The following OSBPL10 variants were observed in gnomAD, a reference collection of about 807,000 sequenced individuals.
OSBPL10 encodes oxysterol-binding protein-related protein 10.
In OSBPL10, 49 loss-of-function variants were observed where a neutral mutation model predicts 81.7. The observed-to-expected ratio is 0.60, with a 90% CI of 0.48 to 0.76. The LOEUF is 0.76. Among genes scored for constraint, OSBPL10 ranks in the 30% least tolerant of loss-of-function variants. The pLI, the probability that OSBPL10 is intolerant of heterozygous loss-of-function variation, is 0.00. For missense variants in OSBPL10, 923 were observed against 987.8 expected, an observed-to-expected ratio of 0.93 and a Z score of 0.88; for synonymous variants, 419 against 383.6, an observed-to-expected ratio of 1.09 and a Z score of -1.08.
chr3:31,915,645 C>T lies in OSBPL10; in HGVS notation c.282-35815G>A, dbSNP rs77141821. Among the ~76,000 whole-genome samples, 3,230 of 152,134 alleles carry T rather than the reference C, an allele frequency of 0.021. 273 individuals are homozygous for T. In the East Asian group the frequency reaches 0.28, roughly 13 times the overall value. ...GAGGGAGCAAGGGTTGAAAAACTAT[C>T]GCATACCATGCTCAGTGCCTAGGTG... On this transcript the variant is annotated intron_variant, in intron 1 of 11. Transcript: ENST00000396556.
intron 4 of OSBPL10, among the ~76,000 whole-genome samples, chr3:31,822,913 T>TTAAAAAAAAAAAA (rs1700012989): frequency 1.1e-5 from 1 of 89,098 alleles, no homozygotes; most frequent in Non-Finnish European, 2.3e-5. Flanking sequence ...CCCCCAACTC[T>TTAAAAAAAAAAAA]AAAAAAAAAA....
At chr3:31,967,172 T>TC (rs1698425827) in intron 1 of OSBPL10, among the ~76,000 whole-genome samples, 1 of 152,154 alleles carries the variant, frequency 6.6e-6, no homozygotes, top group Non-Finnish European at 1.5e-5. Flanking sequence ...AAAATCCCAT[T>TC]CCCTCACTGA....
intron 1 of OSBPL10, among the ~76,000 whole-genome samples, chr3:31,932,918 A>G (rs1179157592): frequency 6.6e-6 from 1 of 152,132 alleles, no homozygotes; most frequent in Non-Finnish European, 1.5e-5. Flanking sequence ...TAAGACATAC[A>G]TTTGTCAAAA....
At chr3:32,019,137 C>T (rs952266613) in intron 2 of OSBPL10, among the ~76,000 whole-genome samples, 13 of 152,160 alleles carry the variant, frequency 8.5e-5, no homozygotes, top group Non-Finnish European at 1.9e-4. Flanking sequence ...ACCCACCCCC[C>T]CAAATTCCCT....
At chr3:31,671,993 C>T (rs1700334015) in intron 8 of OSBPL10, among the ~76,000 whole-genome samples, 1 of 152,086 alleles carries the variant, frequency 6.6e-6, no homozygotes, top group Admixed American at 6.5e-5. Flanking sequence ...TGGCTCCACT[C>T]CAGCTCACCC....
chr3:31,866,320 G>C (rs1331893011), intron 3 of OSBPL10, among the ~76,000 whole-genome samples: 1 of 152,126 alleles, frequency 6.6e-6, no homozygotes, highest in Admixed American at 6.6e-5. Flanking sequence ...AACAGGGGTG[G>C]TGTCTGCACC....
At chr3:32,043,820 C>T (rs1022557885) in intron 2 of OSBPL10, among the ~76,000 whole-genome samples, 1 of 152,072 alleles carries the variant, frequency 6.6e-6, no homozygotes, top group African/African-American at 2.4e-5. Flanking sequence ...GAACAGAAAA[C>T]GAAATACCGC....
chr3:31,664,922 T>TACC (rs140092973), intron 10 of OSBPL10, among the ~76,000 whole-genome samples: 2,349 of 152,274 alleles, frequency 0.015, 60 homozygotes, highest in African/African-American at 0.054. Context: ...TTCAGCTCAC[T>TACC]ACCCCTCTTC....
chr3:31,768,383 G>A (rs1698264606), intron 4 of OSBPL10, among the ~76,000 whole-genome samples: 1 of 152,150 alleles, frequency 6.6e-6, no homozygotes, highest in Admixed American at 6.5e-5. Context: ...ACCATTTATA[G>A]AAGGAAAATG....
intron 1 of OSBPL10, among the ~76,000 whole-genome samples, chr3:31,959,957 C>T (rs965150691): frequency 6.6e-6 from 1 of 152,106 alleles, no homozygotes; most frequent in Non-Finnish European, 1.5e-5. Context: ...TGGATTGTGA[C>T]GTGGCCACTG....
intron 1 of OSBPL10, among the ~76,000 whole-genome samples, chr3:31,949,148 T>C (rs1697788998): frequency 6.6e-6 from 1 of 152,176 alleles, no homozygotes; most frequent in South Asian, 2.1e-4. Flanking sequence ...TAGGTTGGTT[T>C]CTTAGCCCAA....
At chr3:31,851,534 G>C (rs1433459222) in intron 3 of OSBPL10, among the ~76,000 whole-genome samples, 2 of 152,194 alleles carry the variant, frequency 1.3e-5, no homozygotes, top group African/African-American at 4.8e-5. Flanking sequence ...AAGGCACCAG[G>C]GCCAAGGCTC....
At chr3:31,673,011 C>T (rs781384177) in intron 8 of OSBPL10, among the ~76,000 whole-genome samples, 5 of 152,156 alleles carry the variant, frequency 3.3e-5, no homozygotes, top group Non-Finnish European at 5.9e-5. Context: ...GGGCCTTCTC[C>T]CCTCTTCTCC....
intron 6 of OSBPL10, among the ~76,000 whole-genome samples, chr3:31,719,236 C>T (rs1399036881): frequency 6.6e-6 from 1 of 152,186 alleles, no homozygotes; most frequent in African/African-American, 2.4e-5. Context: ...AAAAATTTTA[C>T]AGTGGGGACG....
chr3:31,965,802 CTATT>C (rs1365768847), intron 1 of OSBPL10, among the ~76,000 whole-genome samples: 1 of 58,794 alleles, frequency 1.7e-5, no homozygotes, highest in African/African-American at 1.1e-4. Context: ...GATATATTAT[CTATT>C]TATATAATAT....
At chr3:31,929,476 G>T (rs142125462) in intron 1 of OSBPL10, among the ~76,000 whole-genome samples, 1 of 152,098 alleles carries the variant, frequency 6.6e-6, no homozygotes, top group Non-Finnish European at 1.5e-5. Context: ...GGCCGGGCGC[G>T]GTGGCTCACG....
At chr3:31,984,006 A>C (rs901965086), upstream of OSBPL10, among the ~76,000 whole-genome samples, 1 of 151,776 alleles carries the variant, frequency 6.6e-6, no homozygotes, top group African/African-American at 2.4e-5. Context: ...TCTCCCTGAA[A>C]ATTCAGAGCC....
chr3:31,738,867 A>C (rs527325467), intron 5 of OSBPL10, among the ~76,000 whole-genome samples: 1 of 152,264 alleles, frequency 6.6e-6, no homozygotes, highest in East Asian at 1.9e-4. Context: ...TGAATAAAAG[A>C]AGCAGAATTA....
intron 7 of OSBPL10, among the ~76,000 whole-genome samples, chr3:31,693,482 T>C (rs908834996): frequency 5.3e-5 from 8 of 152,220 alleles, no homozygotes; most frequent in African/African-American, 1.9e-4. Flanking sequence ...TAGAATGTTA[T>C]ATATCCATTA....
Sources: gnomAD v4.1 joint callset for allele counts (sites outside exome capture counted in the v4.1 genomes callset) on GRCh38, gnomAD v4.1.1 for gene constraint, MANE v1.5 for transcripts, NCBI Gene and HGNC (gene_info 2026-07-23, HGNC 2026-07-21) for gene names.